KCNN2: variants seen among roughly 807,000 people sequenced by gnomAD.
KCNN2 encodes the protein small conductance calcium-activated potassium channel protein 2.
KCNN2 carries 24 observed loss-of-function variants against 55.5 expected under a neutral mutation model. The ratio of observed to expected loss-of-function variants is 0.43; its 90% CI spans 0.31 to 0.61. The LOEUF (loss-of-function observed/expected upper bound fraction) is 0.61. Among genes scored for constraint, KCNN2 ranks in the 20% least tolerant of loss-of-function variants. The pLI, the probability that KCNN2 is intolerant of heterozygous loss-of-function variation, is 0.08. For synonymous variants in KCNN2, 431 were observed against 336.1 expected (o/e 1.28, Z -3.09); for missense variants, 754 against 853.6 (o/e 0.88, Z 1.45).
At chr5:114,204,828 C>A (rs1335160672) in intron 1 of KCNN2, among the ~76,000 whole-genome samples, 1 of 152,180 alleles carries the variant, frequency 6.6e-6, no homozygotes, top group Non-Finnish European at 1.5e-5. Context: ...TGTTAATCCA[C>A]TGAGATTTGG....
intron 5 of KCNN2, among the ~76,000 whole-genome samples, chr5:114,483,324 G>C (rs929425595): frequency 2.7e-5 from 4 of 149,654 alleles, no homozygotes; most frequent in Non-Finnish European, 1.5e-5. Flanking sequence ...ACCCAGGCTG[G>C]AGCACAGCAG....
intron 2 of KCNN2, among the ~76,000 whole-genome samples, chr5:114,251,461 T>C (rs1039592777): frequency 3.3e-5 from 5 of 152,234 alleles, no homozygotes; most frequent in Non-Finnish European, 7.3e-5. Context: ...TTTGCAAAGT[T>C]GTTTTAAGGA....
chr5:114,121,118 C>T (rs1274635804), intron 1 of KCNN2, among the ~76,000 whole-genome samples: 6 of 152,222 alleles, frequency 3.9e-5, no homozygotes, highest in African/African-American at 1.4e-4. Context: ...ATGCATGGGC[C>T]TCCGTCTCCT....
chr5:114,383,594 A>C (rs142101510), intron 2 of KCNN2, among the ~76,000 whole-genome samples: 107 of 149,782 alleles, frequency 7.1e-4, no homozygotes, highest in African/African-American at 2.6e-3. Flanking sequence ...TCCGCTTCCC[A>C]AGTAGCTGGG....
At chr5:114,103,720 A>G (rs1227231520) in intron 1 of KCNN2, among the ~76,000 whole-genome samples, 3 of 150,910 alleles carry the variant, frequency 2.0e-5, no homozygotes, top group Non-Finnish European at 4.4e-5. Flanking sequence ...TATGTGATGG[A>G]TTACGTTTAT....
At chr5:114,110,009 T>G (rs1400519268) in intron 1 of KCNN2, among the ~76,000 whole-genome samples, 1 of 152,064 alleles carries the variant, frequency 6.6e-6, no homozygotes, top group Non-Finnish European at 1.5e-5. Flanking sequence ...AAGGCTCTTA[T>G]AAAAGAGGCT....
intron 1 of KCNN2, among the ~76,000 whole-genome samples, chr5:114,161,304 T>C (rs1317508952): frequency 6.6e-6 from 1 of 150,826 alleles, no homozygotes; most frequent in African/African-American, 2.4e-5. Context: ...GAAAATTCTT[T>C]TCTTTAAGAA....
chr5:114,073,644 A>G (rs1003589498), intron 1 of KCNN2, among the ~76,000 whole-genome samples: 5 of 152,196 alleles, frequency 3.3e-5, no homozygotes, highest in African/African-American at 9.7e-5. Flanking sequence ...ATGTCAGCTT[A>G]ACATCACATT....
intron 2 of KCNN2, among the ~76,000 whole-genome samples, chr5:114,402,173 C>T (rs1332154063): frequency 1.3e-5 from 2 of 152,106 alleles, no homozygotes; most frequent in African/African-American, 4.8e-5. Flanking sequence ...GAAAAAGCAA[C>T]ATGTCACAGA....
chr5:114,085,092 G>A (rs933819936), intron 1 of KCNN2, among the ~76,000 whole-genome samples: 7 of 151,406 alleles, frequency 4.6e-5, no homozygotes, highest in African/African-American at 1.7e-4. Flanking sequence ...TCTTTAGCTA[G>A]TACCGTGCTG....
intron 2 of KCNN2, among the ~76,000 whole-genome samples, chr5:114,277,262 C>A (rs933159041): frequency 5.3e-5 from 8 of 152,076 alleles, no homozygotes; most frequent in Admixed American, 6.6e-5. Flanking sequence ...CTCTGACTGC[C>A]CTTAACATTT....
chr5:114,211,589 A>G (rs1197344801), intron 1 of KCNN2, among the ~76,000 whole-genome samples: 1 of 152,082 alleles, frequency 6.6e-6, no homozygotes, highest in African/African-American at 2.4e-5. Flanking sequence ...AGGAAGATCA[A>G]AAAGATAACT....
At chr5:114,406,333 G>GT (rs770646411) in intron 3 of KCNN2, among the ~76,000 whole-genome samples, 1,597 of 141,466 alleles carry the variant, frequency 0.011, 15 homozygotes, top group Middle Eastern at 0.018. Flanking sequence ...GTGGAAGTCA[G>GT]TTTTTTTTTT....
chr5:114,474,482 T>A (rs1761884393), intron 5 of KCNN2, among the ~76,000 whole-genome samples: 1 of 152,190 alleles, frequency 6.6e-6, no homozygotes, highest in South Asian at 2.1e-4. Context: ...AAATTTGTTC[T>A]CAAAACTTGT....
chr5:114,348,142 C>G (rs1757146262), intron 2 of KCNN2, among the ~76,000 whole-genome samples: 2 of 152,076 alleles, frequency 1.3e-5, no homozygotes, highest in Admixed American at 1.3e-4. Context: ...CATATATTTT[C>G]TAAATTGCCA....
intron 2 of KCNN2, among the ~76,000 whole-genome samples, chr5:114,326,515 G>T (rs961868466): frequency 6.6e-6 from 1 of 152,124 alleles, no homozygotes; most frequent in Non-Finnish European, 1.5e-5. Context: ...GGCCAGTTCT[G>T]CCTGTGGGTC....
chr5:114,105,454 C>T (rs1751465472), intron 1 of KCNN2, among the ~76,000 whole-genome samples: 1 of 152,142 alleles, frequency 6.6e-6, no homozygotes, highest in Non-Finnish European at 1.5e-5. Context: ...GTAGTCAATA[C>T]AAGTCATCTG....
chr5:114,350,224 C>T (rs1459981812), intron 2 of KCNN2, among the ~76,000 whole-genome samples: 1 of 151,956 alleles, frequency 6.6e-6, no homozygotes, highest in East Asian at 1.9e-4. Flanking sequence ...ATTACCATAT[C>T]TATCACTTTA....
chr5:114,171,288 G>A (rs937486246), intron 1 of KCNN2, among the ~76,000 whole-genome samples: 2 of 151,908 alleles, frequency 1.3e-5, no homozygotes, highest in Non-Finnish European at 2.9e-5. Flanking sequence ...AACCTTTGCA[G>A]TTCTCTTAAA....
Sources: gnomAD v4.1 joint callset for allele counts (sites outside exome capture counted in the v4.1 genomes callset) on GRCh38, gnomAD v4.1.1 for gene constraint, MANE v1.5 for transcripts, NCBI Gene and HGNC (gene_info 2026-07-23, HGNC 2026-07-21) for gene names.